YWHAQ: variants seen among roughly 807,000 people sequenced by gnomAD.
YWHAQ encodes 14-3-3 protein theta.
A neutral mutation model predicts 28.3 loss-of-function variants in YWHAQ; 6 were observed. The ratio of observed to expected loss-of-function variants is 0.21; its 90% CI spans 0.12 to 0.42. The LOEUF (loss-of-function observed/expected upper bound fraction) is 0.42, where lower values mean the gene tolerates loss of function less well. Ranked by LOEUF, YWHAQ falls within the 10% of genes least tolerant of loss-of-function variation. The pLI is 1.00. For missense variants in YWHAQ, 201 were observed against 305.6 expected (o/e 0.66, Z 2.55); for synonymous variants, 143 against 119.1 (o/e 1.20, Z -1.31).
At chr2:9,605,431 C>T (rs1028777116) in intron 2 of YWHAQ, among the ~76,000 whole-genome samples, 5 of 152,144 alleles carry the variant, frequency 3.3e-5, no homozygotes, top group African/African-American at 9.7e-5. Flanking sequence ...CCACCACACC[C>T]CAGCCTCTGC....
At chr2:9,590,818 C>A (rs1666441524) in intron 3 of YWHAQ, among the ~76,000 whole-genome samples, 1 of 152,142 alleles carries the variant, frequency 6.6e-6, no homozygotes, top group East Asian at 1.9e-4. Flanking sequence ...TAAAACCTAA[C>A]CATGAGTCAT....
intron 2 of YWHAQ, among the ~76,000 whole-genome samples, chr2:9,605,382 A>G (rs1666802555): frequency 6.6e-6 from 1 of 152,010 alleles, no homozygotes; most frequent in South Asian, 2.1e-4. Flanking sequence ...TGATCCTCCC[A>G]CGTCAGCCTC....
In YWHAQ at chr2:9,602,602, T is replaced by C. The variant is rs1305477887; in HGVS notation, c.295-11087A>G. Among the ~76,000 whole-genome samples, 17 of 151,146 alleles carry C rather than the reference T, an allele frequency of 1.1e-4. No individual in the cohort carries two copies. In the Admixed American group the frequency reaches 1.1e-3, roughly 10 times the overall value. On this transcript the variant is annotated intron_variant, in intron 2 of 5. Transcript: ENST00000238081. ...TCCCCCAGCCTGGAACGGAGTGCAG[T>C]GCAGTGATCACAGCTTACTGCATCC...
Position 9,630,133 on chromosome 2 carries a change from C to G in YWHAQ, c.294+26G>C, listed in dbSNP as rs375839408. On this transcript the variant is annotated intron_variant, in intron 2 of 5. Coordinates refer to ENST00000238081, the MANE Select transcript of YWHAQ (RefSeq NM_006826.4). This position sits in a 1 kb window ranked among gnomAD's most constrained non-coding sequence, Gnocchi z 5.6. ...TGAAAAGCATCTCACAAAAGGCCTC[C>G]CCTGCTCCCCGCGCCGAGGACTCAC... 6.3e-7 allele frequency: 1 copy of G among 1,598,648 alleles called. No individual in the cohort carries two copies. The highest frequency in any genetic ancestry group is 8.6e-7 in the Non-Finnish European group (1 of 1,169,350).
At chr2:9,603,326 G>A (rs1666751627) in intron 2 of YWHAQ, among the ~76,000 whole-genome samples, 1 of 148,840 alleles carries the variant, frequency 6.7e-6, no homozygotes, top group African/African-American at 2.5e-5. Context: ...CTGAAGTGCA[G>A]TGACACGATC....
chr2:9,612,310 C>G (rs1363383899), intron 2 of YWHAQ, among the ~76,000 whole-genome samples: 1 of 152,136 alleles, frequency 6.6e-6, no homozygotes, highest in Non-Finnish European at 1.5e-5. Flanking sequence ...ATTGCGGGCA[C>G]GTTAACTCCT....
At chr2:9,629,812 C>T (rs1667324252) in intron 2 of YWHAQ, among the ~76,000 whole-genome samples, 1 of 152,202 alleles carries the variant, frequency 6.6e-6, no homozygotes, top group African/African-American at 2.4e-5. Flanking sequence ...TGTGAACCGA[C>T]TGAATACATT....
In YWHAQ at chr2:9,591,482, T is replaced by C. The variant is rs185211853; in HGVS notation, c.328A>G (p.Thr110Ala). The C allele has an allele frequency of 2.1e-5, 34 of 1,610,770 alleles. No homozygotes were observed. In the Admixed American group the frequency reaches 2.8e-4, roughly 13 times the overall value. ...TAGAAGACCTTACTCTCTGGATTAG[T>C]TGCATTGGCTATTAAATATTTATCC... ...LLDKYLIANA[T>A]NPESKVFYLK... The change falls in exon 3 of 6, where the codon ACT becomes GCT. Residue 110 changes from threonine to alanine, a missense_variant. Thr to Ala is a moderately conservative substitution (Grantham distance 58, BLOSUM62 0). Coordinates refer to ENST00000238081, the MANE Select transcript of YWHAQ (RefSeq NM_006826.4).
intron 5 of YWHAQ, among the ~76,000 whole-genome samples, chr2:9,585,912 CAAAA>C (rs34640890): frequency 2.0e-4 from 24 of 122,114 alleles, no homozygotes; most frequent in Non-Finnish European, 2.6e-4. Flanking sequence ...GATCCTTTCT[CAAAA>C]AAAAAAAAAA....
chr2:9,604,316 A>C (rs1666775064), intron 2 of YWHAQ, among the ~76,000 whole-genome samples: 2 of 152,232 alleles, frequency 1.3e-5, no homozygotes, highest in South Asian at 4.1e-4. Flanking sequence ...AAGATGTAGA[A>C]AGTCACTGAA....
intron 5 of YWHAQ, 115 bp downstream of exon 5, chr2:9,587,299 G>C (rs1293020885): frequency 1.1e-6 from 1 of 876,074 alleles, no homozygotes; most frequent in Non-Finnish European, 1.7e-6. Flanking sequence ...ATACTAACAC[G>C]TATCTCATAC....
chr2:9,599,704 T>C lies in YWHAQ; in HGVS notation c.295-8189A>G, dbSNP rs137898550. ...AAAAAAGATTCCTTTCAAATTATAA[T>C]TGCTCATTGACAATGCAGCACCTGT... On this transcript the variant is annotated intron_variant, in intron 2 of 5. Coordinates refer to ENST00000238081, the MANE Select transcript of YWHAQ (RefSeq NM_006826.4). Among the ~76,000 whole-genome samples the C allele has an allele frequency of 1.9e-3, 296 of 152,334 alleles. 2 individuals are homozygous for C. The highest frequency in any genetic ancestry group is 6.9e-3 in the African/African-American group (285 of 41,570).
intron 2 of YWHAQ, among the ~76,000 whole-genome samples, chr2:9,624,454 T>C (rs766886916): frequency 4.6e-5 from 7 of 151,876 alleles, no homozygotes; most frequent in Admixed American, 1.3e-4. Context: ...CACAATCCAA[T>C]ACAACTTAAT....
At chr2:9,610,669 C>T (rs189796746) in intron 2 of YWHAQ, among the ~76,000 whole-genome samples, 4 of 152,146 alleles carry the variant, frequency 2.6e-5, no homozygotes, top group East Asian at 1.9e-4. Context: ...CCACCATGCC[C>T]GGCTAATTTT....
At chr2:9,593,709 T>C (rs1666505415) in intron 2 of YWHAQ, among the ~76,000 whole-genome samples, 1 of 151,644 alleles carries the variant, frequency 6.6e-6, no homozygotes, top group Admixed American at 6.6e-5. Flanking sequence ...ACACCTGTAA[T>C]CCCAGCTACT....
chr2:9,623,091 G>A (rs1207592546), intron 2 of YWHAQ, among the ~76,000 whole-genome samples: 1 of 152,204 alleles, frequency 6.6e-6, no homozygotes, highest in Admixed American at 6.5e-5. Context: ...CCATGCTATG[G>A]TATCATGTTC....
At position 9,614,557 on chromosome 2, in the gene YWHAQ, T is replaced by A. The variant is rs376784415; in HGVS notation, c.294+15602A>T. Among the ~76,000 whole-genome samples the A allele has an allele frequency of 6.5e-4, 99 of 152,322 alleles. 1 individual carries two copies. The South Asian group carries it at 0.013, about 20-fold the overall frequency. On this transcript the variant is annotated intron_variant, in intron 2 of 5. Coordinates refer to ENST00000238081, the MANE Select transcript of YWHAQ (RefSeq NM_006826.4). ...AATGGACAGACATCCTGATACCTAA[T>A]AAAAGGATGTTGCATTAAACAAAAA...
intron 2 of YWHAQ, among the ~76,000 whole-genome samples, chr2:9,609,279 G>A (rs542749741): frequency 9.2e-5 from 14 of 152,026 alleles, no homozygotes; most frequent in South Asian, 4.2e-4. Context: ...TGGGAGAAGC[G>A]GAAGGGCTTT....
At chr2:9,621,114 G>C (rs1667134017) in intron 2 of YWHAQ, among the ~76,000 whole-genome samples, 1 of 152,142 alleles carries the variant, frequency 6.6e-6, no homozygotes. Flanking sequence ...TACTACAATA[G>C]GTTGAATGAA....
Sources: allele counts gnomAD v4.1 joint callset (sites outside exome capture counted in the v4.1 genomes callset), GRCh38; gene constraint gnomAD v4.1.1; non-coding constraint Gnocchi (gnomAD v3.1); transcripts MANE v1.5; gene names NCBI Gene and HGNC (gene_info 2026-07-23, HGNC 2026-07-21).